USP50: variants seen among roughly 807,000 people sequenced by gnomAD.
USP50 encodes the protein ubiquitin specific peptidase 50, also known as ubiquitin carboxyl-terminal hydrolase 50.
In USP50, 37 loss-of-function variants were observed where a neutral mutation model predicts 39.2. The ratio of observed to expected loss-of-function variants is 0.94; its 90% CI spans 0.73 to 1.24. The LOEUF (loss-of-function observed/expected upper bound fraction) is 1.24. Ranked by LOEUF, USP50 falls within the 50% of genes most tolerant of loss-of-function variation. USP50 has a pLI of 0.00. For missense variants in USP50, 374 were observed against 398.2 expected (o/e 0.94, Z 0.52); for synonymous variants, 139 against 144.5 (o/e 0.96, Z 0.27).
chr15:50,545,268 G>A (rs954145524), intron 1 of USP50, among the ~76,000 whole-genome samples: 42 of 152,016 alleles, frequency 2.8e-4, no homozygotes, highest in African/African-American at 1.0e-3. Context: ...ATCAGGTAGT[G>A]AGCCTGGCAC....
In USP50 at chr15:50,525,464, T is replaced by G. The variant is rs906227927; in HGVS notation, c.936+4333A>C. Among the ~76,000 whole-genome samples the G allele has an allele frequency of 4.2e-5, 4 of 95,230 alleles. No homozygotes were observed. The East Asian group carries it at 1.2e-3, about 29-fold the overall frequency. 62.5% of individuals were successfully genotyped at this position (95,230 alleles called of 152,430 possible). On this transcript the variant is annotated intron_variant, in intron 6 of 6. Transcript: ENST00000532404. ...TAGCTTGATTTAATCATTCCACATT[T>G]TGTGTGTGTGTGTGTGTATATATAT...
At chr15:50,493,292 G>T (rs1383352076), downstream of USP50, 1 of 514,614 alleles carries the variant, frequency 1.9e-6, no homozygotes, top group Non-Finnish European at 3.9e-6. Context: ...AATATTTGAC[G>T]TGAATCTGGT....
intron 6 of USP50, among the ~76,000 whole-genome samples, chr15:50,523,568 G>C (rs918189895): frequency 6.6e-6 from 1 of 152,028 alleles, no homozygotes; most frequent in Non-Finnish European, 1.5e-5. Flanking sequence ...AAACTACTTA[G>C]GTGTAAATTT....
chr15:50,495,543 C>T (rs115947305), intron 1 of USP50, among the ~76,000 whole-genome samples: 1,843 of 151,856 alleles, frequency 0.012, 37 homozygotes, highest in African/African-American at 0.043. Context: ...CCCAAGCAGT[C>T]CTCCTGCCTT....
intron 3 of USP50, among the ~76,000 whole-genome samples, chr15:50,542,891 G>C (rs1012319447): frequency 1.3e-5 from 2 of 152,212 alleles, no homozygotes; most frequent in Non-Finnish European, 2.9e-5. Flanking sequence ...CCATTCCCTG[G>C]GTATTAGAGG....
chr15:50,506,010 T>C (rs1252046918), intron 6 of USP50: 2 of 152,244 alleles, frequency 1.3e-5, no homozygotes, highest in East Asian at 3.8e-4. Context: ...ATTACAGTGT[T>C]CTAAGAGCTT....
chr15:50,498,813 T>TAAGA (rs1341262475), downstream of USP50: 46 of 1,548,258 alleles, frequency 3.0e-5, no homozygotes, highest in East Asian at 7.9e-4. Flanking sequence ...CATGGAAGAG[T>TAAGA]AAGAACAACA....
intron 6 of USP50, among the ~76,000 whole-genome samples, chr15:50,528,255 T>TAC (rs1471085332): frequency 2.7e-5 from 4 of 147,822 alleles, no homozygotes; most frequent in East Asian, 2.0e-4. Context: ...TATATAAACA[T>TAC]ATATTTCCAT....
At chr15:50,515,239 G>A (rs1264417086) in intron 6 of USP50, among the ~76,000 whole-genome samples, 1 of 151,780 alleles carries the variant, frequency 6.6e-6, no homozygotes, top group Non-Finnish European at 1.5e-5. Context: ...CTTGTGTTTT[G>A]TTGTTGTTGT....
intron 2 of USP50, among the ~76,000 whole-genome samples, chr15:50,544,202 T>G (rs1486123744): frequency 6.6e-6 from 1 of 150,810 alleles, no homozygotes; most frequent in Non-Finnish European, 1.5e-5. Context: ...ATTACAAAAA[T>G]ACAAAAAAAA....
chr15:50,540,086 C>T (rs1566911756), intron 4 of USP50, among the ~76,000 whole-genome samples: 1 of 152,126 alleles, frequency 6.6e-6, no homozygotes, highest in Non-Finnish European at 1.5e-5. Context: ...AAACTTTTAG[C>T]AATAAAATGT....
chr15:50,517,939 G>A (rs571972824), intron 6 of USP50, among the ~76,000 whole-genome samples: 1 of 152,220 alleles, frequency 6.6e-6, no homozygotes, highest in East Asian at 1.9e-4. Flanking sequence ...TCTAACTACT[G>A]GGCTCAAGCC....
chr15:50,505,688 G>A (rs2052648845), intron 6 of USP50: 1 of 152,286 alleles, frequency 6.6e-6, no homozygotes. Flanking sequence ...GCTGGGCATG[G>A]TGGTTCACAC....
intron 6 of USP50, among the ~76,000 whole-genome samples, chr15:50,515,025 A>G (rs1431623332): frequency 6.7e-6 from 1 of 150,088 alleles, no homozygotes; most frequent in Admixed American, 6.7e-5. Context: ...GTATTTTTTA[A>G]AAAACATGAA....
chr15:50,534,201 A>G (rs900465874), intron 5 of USP50, among the ~76,000 whole-genome samples: 2 of 152,216 alleles, frequency 1.3e-5, no homozygotes, highest in Non-Finnish European at 2.9e-5. Context: ...TGCATATATC[A>G]TATATATTCT....
In USP50 at chr15:50,512,618, C is replaced by T. The variant is rs547284467; in HGVS notation, c.937-11781G>A. On this transcript the variant is annotated intron_variant, in intron 6 of 6. Coordinates refer to ENST00000532404, the MANE Select transcript of USP50 (RefSeq NM_203494.5). ...CAGTCTGGCCAACATGGTGAAACCA[C>T]ATCTCTACTAAAAATATTTTTAAAA... 5.4e-4 allele frequency: 82 copies of T among 152,092 alleles called. 1 individual carries two copies. In the South Asian group the frequency reaches 0.015, roughly 28 times the overall value. The allele number at this position is 152,092 out of a possible 1,614,324, so 9.4% of individuals were successfully genotyped here.
At chr15:50,529,349 T>TA (rs60643073) in intron 6 of USP50, among the ~76,000 whole-genome samples, 21,263 of 134,538 alleles carry the variant, frequency 0.16, 1,845 homozygotes, top group Admixed American at 0.27. Flanking sequence ...ATCTCTACTT[T>TA]AAAAAAAAAA....
intron 5 of USP50, among the ~76,000 whole-genome samples, chr15:50,536,442 ACCAG>A (rs1249544492): frequency 6.6e-6 from 1 of 152,282 alleles, no homozygotes; most frequent in Admixed American, 6.5e-5. Flanking sequence ...GGAGTTCAAG[ACCAG>A]CCTGGCCAAC....
chr15:50,502,908 A>G (rs1232643088), intron 6 of USP50: 1 of 152,242 alleles, frequency 6.6e-6, no homozygotes, highest in Non-Finnish European at 1.5e-5. Flanking sequence ...ATCTATTAAC[A>G]TGGCTTGTTT....
Sources: allele counts gnomAD v4.1 joint callset (sites outside exome capture counted in the v4.1 genomes callset), GRCh38; gene constraint gnomAD v4.1.1; transcripts MANE v1.5; gene names NCBI Gene and HGNC (gene_info 2026-07-23, HGNC 2026-07-21).